The following UGGT2 variants were observed in gnomAD, a reference collection of about 807,000 sequenced individuals.
The protein encoded by UGGT2 is UDP-glucose:glycoprotein glucosyltransferase 2.
UGGT2 carries 180 observed loss-of-function variants against 192.1 expected under a neutral mutation model. The ratio of observed to expected loss-of-function variants is 0.94; its 90% CI spans 0.83 to 1.06. The LOEUF is 1.06. Ranked by LOEUF, UGGT2 falls within the 50% of genes least tolerant of loss-of-function variation. The probability of loss-of-function intolerance (pLI) is 0.00; values close to 1 mark genes in which losing one functional copy is unlikely to be tolerated. For synonymous variants in UGGT2, 580 were observed against 591.0 expected (o/e 0.98, Z 0.27); for missense variants, 1,849 against 1,795.7 (o/e 1.03, Z -0.54).
chr13:95,884,821 G>T, intron 26 of UGGT2, 141 bp from the exon 27 acceptor site: 1 of 740,850 alleles, frequency 1.3e-6, no homozygotes, highest in Non-Finnish European at 2.1e-6. Context: ...CTGCAGAAAA[G>T]TTAATGCTTA....
At chr13:95,824,767 T>C (rs1885849470) in intron 38 of UGGT2, among the ~76,000 whole-genome samples, 1 of 152,170 alleles carries the variant, frequency 6.6e-6, no homozygotes, top group Non-Finnish European at 1.5e-5. Context: ...ATTCTTTATC[T>C]GGTATTTCAA....
In UGGT2 at chr13:95,990,051, C is replaced by G; in HGVS notation, c.853G>C (p.Asp285His). 1 of 1,601,240 alleles carries G rather than the reference C, an allele frequency of 6.2e-7. No individual in the cohort carries two copies. Residue 285 changes from aspartate (D) to histidine (H), a missense_variant, in exon 8 of 39, where the codon GAT (aspartate) becomes CAT (histidine). Coordinates refer to ENST00000376747, the MANE Select transcript of UGGT2 (RefSeq NM_020121.4). ...KLKEIYSDLR[D>H]NLTAFQKYLI... ...TATTTTTGGAATGCTGTCAGATTAT[C>G]TCTAAGATCTGAATATATTTCTCTG...
At chr13:95,997,374 G>A (rs559690589) in intron 6 of UGGT2, among the ~76,000 whole-genome samples, 5 of 152,276 alleles carry the variant, frequency 3.3e-5, no homozygotes, top group African/African-American at 1.2e-4. Flanking sequence ...CTGGCCAGGT[G>A]TGGTGGCTCA....
At chr13:95,969,064 G>A (rs1314956957) in intron 12 of UGGT2, among the ~76,000 whole-genome samples, 1 of 152,168 alleles carries the variant, frequency 6.6e-6, no homozygotes, top group Admixed American at 6.5e-5. Context: ...TACAATCTGA[G>A]TTATAATAAA....
At chr13:96,015,481 T>C (rs1026217303) in intron 4 of UGGT2, among the ~76,000 whole-genome samples, 4 of 152,064 alleles carry the variant, frequency 2.6e-5, no homozygotes, top group South Asian at 4.2e-4. Context: ...CTTTCAAAAT[T>C]TGCTTTTATG....
chr13:96,009,865 T>C (rs976811813), intron 5 of UGGT2, among the ~76,000 whole-genome samples: 5 of 152,184 alleles, frequency 3.3e-5, no homozygotes, highest in South Asian at 2.1e-4. Flanking sequence ...AGAAGACATA[T>C]GATATGGCCA....
At chr13:95,935,416 T>A (rs2140501252) in intron 17 of UGGT2, among the ~76,000 whole-genome samples, 1 of 152,354 alleles carries the variant, frequency 6.6e-6, no homozygotes, top group South Asian at 2.1e-4. Context: ...TACTTCTCAT[T>A]CACTTATGAA....
intron 17 of UGGT2, among the ~76,000 whole-genome samples, chr13:95,927,835 T>C (rs2049079503): frequency 6.6e-6 from 1 of 152,210 alleles, no homozygotes; most frequent in African/African-American, 2.4e-5. Context: ...TTTGTGTCCC[T>C]GGGTACTTGA....
intron 17 of UGGT2, among the ~76,000 whole-genome samples, chr13:95,934,360 T>C (rs1281409189): frequency 6.6e-6 from 1 of 152,248 alleles, no homozygotes; most frequent in African/African-American, 2.4e-5. Context: ...TGGAATGTTC[T>C]GTAGATGTCT....
At chr13:96,028,718 G>A (rs896032831) in intron 2 of UGGT2, among the ~76,000 whole-genome samples, 3 of 152,142 alleles carry the variant, frequency 2.0e-5, no homozygotes, top group Admixed American at 6.5e-5. Flanking sequence ...TTTTAGGCAG[G>A]TGGATCACTA....
At position 96,023,739 on chromosome 13, in the gene UGGT2, T is replaced by C. The variant is rs1450020595; in HGVS notation, c.262A>G (p.Asn88Asp). 2.5e-6 allele frequency: 4 copies of C among 1,602,918 alleles called. No homozygotes were observed. Among genetic ancestry groups the C allele is most frequent in the Non-Finnish European group, 3.4e-6 (4 of 1,172,962 alleles). ...TGTCCAGCTTTCTTCAGGATTAAGT[T>C]GTAATAAGAATAATCTGATTCTATA... is the stretch of plus-strand genomic sequence containing the variant. ...KQTESDYSYY[N>D]LILKKAGQFL... is the part of the protein sequence containing the mutation. The change falls in exon 3 of 39, where the codon AAC becomes GAC. Residue 88 changes from asparagine to aspartate, a missense_variant. Transcript: ENST00000376747.
At chr13:95,871,482 T>C (rs1566616800) in intron 29 of UGGT2, among the ~76,000 whole-genome samples, 2 of 152,082 alleles carry the variant, frequency 1.3e-5, no homozygotes, top group African/African-American at 2.4e-5. Context: ...CTCAGTAAGG[T>C]AGACACTTTA....
chr13:96,004,836 C>G (rs1222233749), intron 5 of UGGT2, among the ~76,000 whole-genome samples: 1 of 152,114 alleles, frequency 6.6e-6, no homozygotes, highest in Non-Finnish European at 1.5e-5. Flanking sequence ...GACCTCCTCT[C>G]TCAGAACTAG....
At chr13:95,807,716 C>CCTTTTTTTTTTTTTT (rs370239086) in intron 38 of UGGT2, among the ~76,000 whole-genome samples, 1 of 78,706 alleles carries the variant, frequency 1.3e-5, no homozygotes, top group African/African-American at 5.2e-5. Flanking sequence ...CAGCCCTCAC[C>CCTTTTTTTTTTTTTT]TTTTTTTTTT....
intron 8 of UGGT2, among the ~76,000 whole-genome samples, chr13:95,987,353 T>TA (rs1260628687): frequency 1.3e-5 from 2 of 152,166 alleles, no homozygotes; most frequent in African/African-American, 4.8e-5. Context: ...TTCTTGCTTT[T>TA]AGTCCATTGA....
rs185505674 is a variant in UGGT2, at chr13:95,930,454, T to C, written c.1978-3118A>G. Among the ~76,000 whole-genome samples the C allele has an allele frequency of 6.6e-4, 101 of 152,258 alleles. 1 individual carries two copies. In the East Asian group the frequency reaches 0.017, roughly 26 times the overall value. On this transcript the variant is annotated intron_variant, in intron 17 of 38. Coordinates refer to ENST00000376747, the MANE Select transcript of UGGT2 (RefSeq NM_020121.4). ...GTTAAGTTTTGAACGTGGTGAAAAG[T>C]AGGGGTCCAGTTTTGTTTGCATATG...
chr13:95,887,706 T>A (rs1417907685), intron 26 of UGGT2, among the ~76,000 whole-genome samples, 186 bp downstream of exon 26: 1 of 152,178 alleles, frequency 6.6e-6, no homozygotes, highest in East Asian at 1.9e-4. Context: ...TTTGCTGAGT[T>A]AGGTTATTTT....
intron 38 of UGGT2, among the ~76,000 whole-genome samples, chr13:95,802,873 G>T (rs967576297): frequency 6.6e-6 from 1 of 152,108 alleles, no homozygotes; most frequent in African/African-American, 2.4e-5. Context: ...TCACTCAGTC[G>T]TCCAGGCTGG....
intron 15 of UGGT2, among the ~76,000 whole-genome samples, chr13:95,942,497 AT>A (rs1438941083): frequency 6.6e-6 from 1 of 151,980 alleles, no homozygotes; most frequent in Non-Finnish European, 1.5e-5. Context: ...CTTTATTTGC[AT>A]TTTTCAAATT....
Sources: gnomAD v4.1 joint callset for allele counts (sites outside exome capture counted in the v4.1 genomes callset) on GRCh38, gnomAD v4.1.1 for gene constraint, MANE v1.5 for transcripts, NCBI Gene and HGNC (gene_info 2026-07-23, HGNC 2026-07-21) for gene names.